Variants in URB1 observed in about 807,000 individuals in gnomAD.
The protein encoded by URB1 is nucleolar pre-ribosomal-associated protein 1.
Under a neutral mutation model 242.3 loss-of-function variants are expected in URB1, and 197 were observed. The ratio of observed to expected loss-of-function variants is 0.81; its 90% CI spans 0.72 to 0.91. The LOEUF (loss-of-function observed/expected upper bound fraction) is 0.91. URB1 is among the 40% of genes least tolerant of loss of function. The probability of loss-of-function intolerance (pLI) is 0.00; values close to 1 mark genes in which losing one functional copy is unlikely to be tolerated. For synonymous variants in URB1, 1,153 were observed against 1,201.8 expected (o/e 0.96, Z 0.84); for missense variants, 2,721 against 2,860.5 (o/e 0.95, Z 1.11).
chr21:32,324,428 A>C, intron 32 of URB1, 63 bp downstream of exon 32: 1 of 1,345,678 alleles, frequency 7.4e-7, no homozygotes, highest in Non-Finnish European at 1.0e-6. Flanking sequence ...ACTAATCCCT[A>C]GAAGTAGACT....
At chr21:32,376,725 C>T (rs2033463184) in intron 5 of URB1, among the ~76,000 whole-genome samples, 1 of 152,178 alleles carries the variant, frequency 6.6e-6, no homozygotes, top group African/African-American at 2.4e-5. Flanking sequence ...GCAGCCTTGA[C>T]ATCCCAGGCT....
At chr21:32,323,349 G>C (rs1254003722) in intron 32 of URB1, among the ~76,000 whole-genome samples, 1 of 152,230 alleles carries the variant, frequency 6.6e-6, no homozygotes, top group Admixed American at 6.5e-5. Flanking sequence ...GCCTCAGTTA[G>C]TGAGTATGGG....
In URB1 at chr21:32,314,518, A is replaced by G; in HGVS notation, c.*400T>C. The stretch of plus-strand genomic sequence containing the variant: ...ACTTTAAACATCTCTCTTCGTTTTC[A>G]TAAAAAAAATCTGATACCTTTTGAC... On this transcript the variant is annotated 3_prime_UTR_variant, in exon 39 of 39. Transcript: ENST00000382751. The G allele has an allele frequency of 5.0e-6, 8 of 1,591,388 alleles. No individual in the cohort carries two copies. Among genetic ancestry groups the G allele is most frequent in the South Asian group, 1.1e-5 (1 of 90,664 alleles).
intron 36 of URB1, among the ~76,000 whole-genome samples, chr21:32,318,619 G>A (rs1033957614): frequency 2.9e-4 from 44 of 152,166 alleles, no homozygotes; most frequent in Non-Finnish European, 1.0e-4. Context: ...TCTGGTTCCG[G>A]TTAGCATAAC....
intron 27 of URB1, 92 bp from the exon 28 acceptor site, chr21:32,337,249 A>C: frequency 7.0e-7 from 1 of 1,419,048 alleles, no homozygotes; most frequent in Non-Finnish European, 9.7e-7. Context: ...CCCTGCTCAA[A>C]TGGCCCGGTC....
intron 34 of URB1, 115 bp from the exon 35 acceptor site, chr21:32,320,755 A>G: frequency 1.3e-6 from 1 of 775,074 alleles, no homozygotes; most frequent in Admixed American, 2.4e-5. Context: ...GCTGCAAATG[A>G]AGCCTGCTTT....
chr21:32,370,229 A>C (rs1031573724), intron 8 of URB1, among the ~76,000 whole-genome samples: 1 of 152,156 alleles, frequency 6.6e-6, no homozygotes, highest in Non-Finnish European at 1.5e-5. Context: ...GGTGTCTCAC[A>C]TCCCCCTTAT....
At chr21:32,329,444 T>G (rs2032869468) in intron 30 of URB1, among the ~76,000 whole-genome samples, 1 of 152,234 alleles carries the variant, frequency 6.6e-6, no homozygotes, top group African/African-American at 2.4e-5. Flanking sequence ...CATCTAGTGA[T>G]GAGGCTCAGA....
chr21:32,356,466 G>A (rs1025258028), intron 15 of URB1, among the ~76,000 whole-genome samples: 35 of 152,110 alleles, frequency 2.3e-4, no homozygotes, highest in Admixed American at 1.3e-4. Context: ...TAAATAAAAA[G>A]AAGGGAAAAA....
Position 32,316,752 on chromosome 21 carries a change from T to C in URB1, c.6348A>G (p.Ala2116=). 6.4e-7 allele frequency: 1 copy of C among 1,551,158 alleles called. No homozygotes were observed. Among genetic ancestry groups the C allele is most frequent in the Non-Finnish European group, 8.7e-7 (1 of 1,146,782 alleles). Residue 2116 remains alanine (A), a synonymous_variant, in exon 38 of 39, where the codon GCA becomes GCG. Coordinates refer to ENST00000382751, the MANE Select transcript of URB1 (RefSeq NM_014825.3). ...GCCAGCCAATGAGTCCTGCAGCCTCTGCCCTGCTGAGCGGGTGCTCGGCCA... is the reference window on the plus strand; with the variant it reads ...GCCAGCCAATGAGTCCTGCAGCCTCCGCCCTGCTGAGCGGGTGCTCGGCCA... ...RSVAEHPLSR[A]EAAGLIGWLK... is the part of the protein sequence containing the mutation.
At position 32,350,903 on chromosome 21, in the gene URB1, C is replaced by G; in HGVS notation, c.2633G>C (p.Ser878Thr). Residue 878 changes from serine (S) to threonine (T), a missense_variant, in exon 20 of 39, where the codon AGC becomes ACC. Ser to Thr is a moderately conservative substitution (Grantham distance 58). Transcript: ENST00000382751. ...REAWLLQAQG[S>T]PSPPALPLAS... ...CAAGGGAAGGGCAGGGGGCGAGGGG[C>G]TGCCCTGTGCCTGCAGCAGCTGAGG... 6.5e-7 allele frequency: 1 copy of G among 1,547,462 alleles called. No homozygotes were observed. The highest frequency in any genetic ancestry group is 8.7e-7 in the Non-Finnish European group (1 of 1,146,756).
intron 2 of URB1, among the ~76,000 whole-genome samples, chr21:32,385,266 T>A (rs1490289524): frequency 6.6e-6 from 1 of 152,250 alleles, no homozygotes; most frequent in Non-Finnish European, 1.5e-5. Flanking sequence ...CCCTTTTGTT[T>A]AAATAAACCA....
chr21:32,330,173 T>A (rs1239484705), intron 30 of URB1, among the ~76,000 whole-genome samples: 1 of 149,038 alleles, frequency 6.7e-6, no homozygotes, highest in East Asian at 2.0e-4. Flanking sequence ...GAGCAACATC[T>A]AAGAAATGTA....
intron 20 of URB1, among the ~76,000 whole-genome samples, chr21:32,350,046 C>T (rs1006114846): frequency 6.6e-6 from 1 of 151,280 alleles, no homozygotes; most frequent in African/African-American, 2.4e-5. Context: ...CAGCTTGAAC[C>T]CGGGAGGCAG....
At chr21:32,325,145 C>T (rs545553320) in intron 31 of URB1, 84 bp downstream of exon 31, 6 of 1,452,290 alleles carry the variant, frequency 4.1e-6, no homozygotes, top group Non-Finnish European at 3.7e-6. Context: ...CTAGTAAATC[C>T]TTCTACCAAA....
chr21:32,337,058 CCT>C (rs1327945557), intron 28 of URB1, 34 bp downstream of exon 28: 1 of 1,544,222 alleles, frequency 6.5e-7, no homozygotes, highest in Non-Finnish European at 8.8e-7. Context: ...CAGGCTGTGA[CCT>C]CAAGGCCTAG....
At position 32,314,847 on chromosome 21, in the gene URB1, C is replaced by T. The variant is rs2032655420; in HGVS notation, c.*71G>A. 1 of 1,515,008 alleles carries T rather than the reference C, an allele frequency of 6.6e-7. No individual in the cohort carries two copies. Among genetic ancestry groups the T allele is most frequent in the Non-Finnish European group, 8.9e-7 (1 of 1,127,638 alleles). 93.8% of individuals were successfully genotyped at this position (1,515,008 alleles called of 1,614,324 possible). On this transcript the variant is annotated 3_prime_UTR_variant, in exon 39 of 39. Transcript: ENST00000382751. ...CCTTCTCTGGAAACCCTTGACTCAACCAAACTTCTAGAAGCTGGTGCTGTG... is the reference window on the plus strand; with the variant it reads ...CCTTCTCTGGAAACCCTTGACTCAATCAAACTTCTAGAAGCTGGTGCTGTG...
intron 28 of URB1, chr21:32,335,379 C>T (rs2123563143): frequency 6.6e-6 from 1 of 152,416 alleles, no homozygotes; most frequent in African/African-American, 2.4e-5. Context: ...CCTGTAAGAG[C>T]TGGTTTATAT....
rs777126771 is a variant in URB1, at chr21:32,378,465, A to C, written c.644T>G (p.Val215Gly). The change falls in exon 5 of 39, where the codon GTG becomes GGG. Residue 215 changes from valine (V) to glycine (G), a missense_variant. Val to Gly is a moderately radical substitution (Grantham distance 109, BLOSUM62 -3). Coordinates refer to ENST00000382751, the MANE Select transcript of URB1 (RefSeq NM_014825.3). ...FLIAGDDSTIVQVLEVKEFIP... is the reference protein window; with the variant it reads ...FLIAGDDSTIGQVLEVKEFIP... ...CCTACCTTTCACTTCCAACACCTGC[A>C]CTATAGTGCTGTCATCACCCGCAAT... is the stretch of plus-strand genomic sequence containing the variant. 5 of 1,551,688 alleles carry C rather than the reference A, an allele frequency of 3.2e-6. No homozygotes were observed. In the South Asian group the frequency reaches 5.9e-5, roughly 18 times the overall value.
Sources: allele counts gnomAD v4.1 joint callset (sites outside exome capture counted in the v4.1 genomes callset), GRCh38; gene constraint gnomAD v4.1.1; transcripts MANE v1.5; gene names NCBI Gene and HGNC (gene_info 2026-07-23, HGNC 2026-07-21).